The following CSMD1 variants were observed in gnomAD, a reference collection of about 807,000 sequenced individuals.
The protein encoded by CSMD1 is CUB and sushi domain-containing protein 1.
CSMD1 carries 213 observed loss-of-function variants against 417.5 expected under a neutral mutation model. The observed-to-expected ratio is 0.51, with a 90% CI of 0.46 to 0.57. The LOEUF is 0.57. Ranked by LOEUF, CSMD1 falls within the 20% of genes least tolerant of loss-of-function variation. CSMD1 has a pLI of 0.00. For missense variants in CSMD1, 6,923 were observed against 4,529.7 expected, an observed-to-expected ratio of 1.53 and a Z score of -15.17; for synonymous variants, 2,862 against 1,736.8, an observed-to-expected ratio of 1.65 and a Z score of -16.11.
chr8:3,496,442 C>T (rs767342611), intron 10 of CSMD1, among the ~76,000 whole-genome samples: 8 of 152,148 alleles, frequency 5.3e-5, no homozygotes, highest in Non-Finnish European at 1.2e-4. Context: ...TCCTCCAGGC[C>T]ACAGAGCTAG....
chr8:4,704,535 A>G (rs1807794694), intron 1 of CSMD1, among the ~76,000 whole-genome samples: 1 of 152,216 alleles, frequency 6.6e-6, no homozygotes, highest in African/African-American at 2.4e-5. Flanking sequence ...CAGTGCCATT[A>G]TACAGAAATT....
In CSMD1 at chr8:4,031,966, C is replaced by A. The variant is rs1251695216; in HGVS notation, c.549G>T (p.Leu183=). ...PGYILEGHAI[L]TCIVSPGNGA... ...CATTTCCTGGGCTGACGATGCAGGT[C>A]AGGATGGCGTGGCCTTCCAAGATGT... The change falls in exon 4 of 70, where the codon CTG becomes CTT. Residue 183 remains leucine, a synonymous_variant. Coordinates refer to ENST00000635120, the MANE Select transcript of CSMD1 (RefSeq NM_033225.6). The A allele has an allele frequency of 2.5e-6, 4 of 1,613,808 alleles. No homozygotes were observed. The highest frequency in any genetic ancestry group is 1.3e-5 in the African/African-American group (1 of 74,900).
intron 5 of CSMD1, among the ~76,000 whole-genome samples, chr8:3,808,107 A>G (rs1288917313): frequency 3.9e-5 from 6 of 152,186 alleles, no homozygotes; most frequent in African/African-American, 1.4e-4. Flanking sequence ...GTTCACCCTC[A>G]GCCACGTCAC....
intron 12 of CSMD1, among the ~76,000 whole-genome samples, chr8:3,411,903 T>C (rs1048105965): frequency 0.055 from 4,989 of 90,180 alleles, 487 homozygotes; most frequent in African/African-American, 0.067. Flanking sequence ...TGCACGTATA[T>C]ATACACGTAT....
chr8:4,758,365 A>G (rs900515312), intron 1 of CSMD1, among the ~76,000 whole-genome samples: 4 of 152,086 alleles, frequency 2.6e-5, no homozygotes, highest in Admixed American at 2.6e-4. Context: ...TGTATTATGC[A>G]TTTTCAAGTT....
chr8:3,523,992 G>A (rs192072802), intron 10 of CSMD1, among the ~76,000 whole-genome samples: 4,477 of 129,322 alleles, frequency 0.035, 100 homozygotes, highest in Middle Eastern at 0.12. Context: ...TGCACACCCA[G>A]AGACACATAT....
At chr8:3,255,758 C>G (rs1413059649) in intron 26 of CSMD1, among the ~76,000 whole-genome samples, 1 of 152,138 alleles carries the variant, frequency 6.6e-6, no homozygotes, top group African/African-American at 2.4e-5. Context: ...TTTCCAGGTG[C>G]TGTCTGTCAA....
intron 10 of CSMD1, among the ~76,000 whole-genome samples, chr8:3,542,551 G>A (rs1347309777): frequency 1.3e-5 from 2 of 152,118 alleles, no homozygotes; most frequent in Admixed American, 6.5e-5. Context: ...GAAGGAACAC[G>A]GAACAGGGTT....
At chr8:4,121,922 C>A (rs1364524679) in intron 3 of CSMD1, among the ~76,000 whole-genome samples, 3 of 152,014 alleles carry the variant, frequency 2.0e-5, no homozygotes, top group Non-Finnish European at 4.4e-5. Flanking sequence ...ACACATCACA[C>A]TCCCTGATTT....
intron 2 of CSMD1, among the ~76,000 whole-genome samples, chr8:4,447,027 T>A (rs1798851826): frequency 6.6e-6 from 1 of 152,000 alleles, no homozygotes; most frequent in Non-Finnish European, 1.5e-5. Flanking sequence ...ATTGTGGAGT[T>A]AACAAAAAGG....
chr8:3,078,456 T>C (rs968078452), intron 49 of CSMD1, among the ~76,000 whole-genome samples: 3 of 152,332 alleles, frequency 2.0e-5, no homozygotes, highest in African/African-American at 7.2e-5. Context: ...GCCTGACATA[T>C]AATTTGCAAA....
At chr8:4,434,425 T>A (rs906389662) in intron 2 of CSMD1, among the ~76,000 whole-genome samples, 1 of 152,182 alleles carries the variant, frequency 6.6e-6, no homozygotes, top group African/African-American at 2.4e-5. Flanking sequence ...AGCCACTTTT[T>A]GAACTCAGCC....
intron 8 of CSMD1, among the ~76,000 whole-genome samples, chr8:3,596,570 TAC>T (rs1801104584): frequency 1.3e-5 from 2 of 152,164 alleles, no homozygotes; most frequent in Middle Eastern, 3.2e-3. Flanking sequence ...CAATCCTAAA[TAC>T]ACAGAGACTG....
intron 41 of CSMD1, among the ~76,000 whole-genome samples, chr8:3,135,525 G>A (rs1818026548): frequency 8.0e-6 from 1 of 125,178 alleles, no homozygotes; most frequent in African/African-American, 3.1e-5. Context: ...CTGACTCTGT[G>A]AACCGGCTTC....
intron 5 of CSMD1, among the ~76,000 whole-genome samples, chr8:3,886,022 TATAC>T (rs1364425071): frequency 6.6e-6 from 1 of 151,934 alleles, no homozygotes; most frequent in Non-Finnish European, 1.5e-5. Flanking sequence ...TGTACATATA[TATAC>T]ATACATATAT....
chr8:3,064,846 A>C (rs1812813863), intron 49 of CSMD1, among the ~76,000 whole-genome samples: 1 of 152,232 alleles, frequency 6.6e-6, no homozygotes, highest in African/African-American at 2.4e-5. Context: ...GTAGGCATTA[A>C]AGACAAGTTA....
chr8:4,378,557 G>C (rs976406163), intron 3 of CSMD1, among the ~76,000 whole-genome samples: 4 of 151,968 alleles, frequency 2.6e-5, no homozygotes, highest in African/African-American at 4.8e-5. Flanking sequence ...CTTCCTTTTA[G>C]CTTTGCACTG....
chr8:4,813,240 T>C (rs1799008514), intron 1 of CSMD1, among the ~76,000 whole-genome samples: 1 of 151,948 alleles, frequency 6.6e-6, no homozygotes, highest in East Asian at 1.9e-4. Context: ...CTTAGAAAAA[T>C]CAAACATGAA....
chr8:3,059,090 T>C (rs1812418125), intron 49 of CSMD1, among the ~76,000 whole-genome samples: 2 of 152,056 alleles, frequency 1.3e-5, no homozygotes, highest in South Asian at 2.1e-4. Context: ...GTCTCCTCAC[T>C]ATTGGATGAG....
Sources: allele counts gnomAD v4.1 joint callset (sites outside exome capture counted in the v4.1 genomes callset), GRCh38; gene constraint gnomAD v4.1.1; transcripts MANE v1.5; gene names NCBI Gene and HGNC (gene_info 2026-07-23, HGNC 2026-07-21).